RAPGEF4: variants seen among roughly 807,000 people sequenced by gnomAD.
RAPGEF4 encodes Rap guanine nucleotide exchange factor 4, also known as RAP guanine-nucleotide-exchange factor (GEF) 4.
In RAPGEF4, 66 loss-of-function variants were observed where a neutral mutation model predicts 147.9. That is an observed-to-expected ratio of 0.45 (90% CI 0.37 to 0.55). The LOEUF (loss-of-function observed/expected upper bound fraction) is 0.55. Ranked by LOEUF, RAPGEF4 falls within the 20% of genes least tolerant of loss-of-function variation. The pLI is 0.00. For synonymous variants in RAPGEF4, 419 were observed against 442.7 expected, an observed-to-expected ratio of 0.95 and a Z score of 0.67; for missense variants, 1,071 against 1,257.3, an observed-to-expected ratio of 0.85 and a Z score of 2.24.
At chr2:172,743,399 G>A (rs949985592) in intron 1 of RAPGEF4, among the ~76,000 whole-genome samples, 1 of 152,178 alleles carries the variant, frequency 6.6e-6, no homozygotes, top group Admixed American at 6.5e-5. Context: ...AACACAAAGT[G>A]CTGCCACTAC....
Position 173,051,685 on chromosome 2 carries a change from G to A in RAPGEF4, c.2954G>A (p.Ser985Asn). The A allele has an allele frequency of 6.2e-7, 1 of 1,613,998 alleles. No individual in the cohort carries two copies. Among genetic ancestry groups the A allele is most frequent in the South Asian group, 1.1e-5 (1 of 91,072 alleles). The change falls in exon 31 of 31, where the codon AGT becomes AAT. Residue 985 changes from serine (S) to asparagine (N), a missense_variant. Coordinates refer to ENST00000397081, the MANE Select transcript of RAPGEF4 (RefSeq NM_007023.4). ...AATAAGAACCATCAGGATGTCCGGA[G>A]TTATGTACGGCAATTAAATGTGATT... The part of the protein sequence containing the change: ...QANKNHQDVR[S>N]YVRQLNVIDN...
intron 10 of RAPGEF4, among the ~76,000 whole-genome samples, chr2:172,972,214 G>A (rs1690567257): frequency 6.6e-6 from 1 of 152,194 alleles, no homozygotes; most frequent in Non-Finnish European, 1.5e-5. Context: ...GAGGGCGCGT[G>A]AGAGCCTGTG....
intron 1 of RAPGEF4, among the ~76,000 whole-genome samples, chr2:172,761,215 C>G (rs989496929): frequency 6.6e-6 from 1 of 151,040 alleles, no homozygotes; most frequent in Non-Finnish European, 1.5e-5. Flanking sequence ...AACCTCTGCT[C>G]CCTGGGTTCA....
At chr2:172,792,402 G>A (rs1438872192) in intron 1 of RAPGEF4, among the ~76,000 whole-genome samples, 1 of 152,182 alleles carries the variant, frequency 6.6e-6, no homozygotes, top group African/African-American at 2.4e-5. Flanking sequence ...TGATACTGAT[G>A]TGTTGTATTT....
chr2:172,988,512 C>T (rs909068457), intron 13 of RAPGEF4, among the ~76,000 whole-genome samples, 181 bp from the exon 14 acceptor site: 5 of 152,144 alleles, frequency 3.3e-5, no homozygotes, highest in East Asian at 3.8e-4. Flanking sequence ...AGCCACAGAC[C>T]GTATTACTCA....
intron 4 of RAPGEF4, among the ~76,000 whole-genome samples, chr2:172,846,858 A>C (rs922665514): frequency 4.6e-5 from 7 of 152,108 alleles, no homozygotes; most frequent in African/African-American, 1.7e-4. Flanking sequence ...ATGCCCCTCC[A>C]CAGATGCTCT....
rs551176977 is a variant in RAPGEF4, at chr2:172,814,416, A to T, written c.435A>T (p.Ala145=). The T allele has an allele frequency of 6.2e-7, 1 of 1,614,186 alleles. No homozygotes were observed. Among genetic ancestry groups the T allele is most frequent in the Non-Finnish European group, 8.5e-7 (1 of 1,180,014 alleles). Residue 145 remains alanine, a synonymous_variant, in exon 4 of 31, where the codon GCA becomes GCT. Coordinates refer to ENST00000397081, the MANE Select transcript of RAPGEF4 (RefSeq NM_007023.4). ...GCATCGAGCAGAAGGACTTCAAGGC[A>T]CTATGGGAGGTGAGCCCTAAGGCTT... The part of the protein sequence containing the change: ...LLRIEQKDFK[A]LWEKYRQYMA...
At chr2:172,970,640 A>G (rs1690373439) in intron 10 of RAPGEF4, among the ~76,000 whole-genome samples, 4 of 152,202 alleles carry the variant, frequency 2.6e-5, no homozygotes, top group Admixed American at 2.6e-4. Flanking sequence ...GCTAGCAAAA[A>G]AAAAAAGTGT....
At chr2:173,001,421 C>A (rs1693910898) in intron 17 of RAPGEF4, 77 bp downstream of exon 17, 1 of 1,570,766 alleles carries the variant, frequency 6.4e-7, no homozygotes, top group Non-Finnish European at 8.7e-7. Context: ...CTTATCTCAT[C>A]TTCTGCAGGT....
At chr2:172,830,867 G>A (rs1690223642) in intron 4 of RAPGEF4, among the ~76,000 whole-genome samples, 1 of 152,010 alleles carries the variant, frequency 6.6e-6, no homozygotes, top group Admixed American at 6.5e-5. Context: ...AGTACAACAG[G>A]GTATATATTG....
chr2:172,749,719 C>T (rs1256783111), intron 1 of RAPGEF4, among the ~76,000 whole-genome samples: 1 of 152,208 alleles, frequency 6.6e-6, no homozygotes, highest in Non-Finnish European at 1.5e-5. Context: ...AATTTCTCCT[C>T]AGAAAATGGG....
chr2:172,824,521 A>G (rs914408527), intron 4 of RAPGEF4, among the ~76,000 whole-genome samples: 5 of 152,216 alleles, frequency 3.3e-5, no homozygotes, highest in East Asian at 1.9e-4. Flanking sequence ...TTCTATAGAC[A>G]TTCTACTTCC....
At chr2:172,953,330 A>G (rs1462451408) in intron 6 of RAPGEF4, among the ~76,000 whole-genome samples, 1 of 147,630 alleles carries the variant, frequency 6.8e-6, no homozygotes, top group Non-Finnish European at 1.5e-5. Context: ...ATATATCTCT[A>G]TATATAGATA....
At chr2:172,988,335 A>G (rs1277306459) in intron 13 of RAPGEF4, 63 bp downstream of exon 13, 1 of 1,547,846 alleles carries the variant, frequency 6.5e-7, no homozygotes, top group Non-Finnish European at 8.7e-7. Context: ...GGCTCTAAGT[A>G]TTAGCAATGT....
intron 14 of RAPGEF4, 39 bp downstream of exon 14, chr2:172,988,878 T>A (rs1281669233): frequency 1.9e-6 from 3 of 1,594,938 alleles, no homozygotes; most frequent in African/African-American, 2.7e-5. Context: ...GACAGCCCAT[T>A]TTTTTCTTTA....
At chr2:172,923,979 C>A (rs764837233) in intron 6 of RAPGEF4, among the ~76,000 whole-genome samples, 6 of 152,156 alleles carry the variant, frequency 3.9e-5, no homozygotes, top group African/African-American at 1.4e-4. Flanking sequence ...TAAAAAAAAT[C>A]TTTGTATGTT....
At chr2:173,040,283 G>C (rs1199767392) in intron 29 of RAPGEF4, among the ~76,000 whole-genome samples, 3 of 152,114 alleles carry the variant, frequency 2.0e-5, no homozygotes, top group Non-Finnish European at 2.9e-5. Context: ...TTCTAAGCAA[G>C]GTGCATGTTG....
chr2:172,985,386 A>C lies in RAPGEF4; in HGVS notation c.1090-47A>C, dbSNP rs201619305. 2,651 of 1,613,768 alleles carry C rather than the reference A, an allele frequency of 1.6e-3. 17 individuals are homozygous for C. The highest frequency in any genetic ancestry group is 5.6e-3 in the Middle Eastern group (34 of 6,060). On this transcript the variant is annotated intron_variant, in intron 11 of 30. Transcript: ENST00000397081. Reference sequence around the variant, plus strand: ...GAAAGAGTACAACCCTTTTCCACCCAGACCTGGAAATGTGGCCTTTGCATG... The same window carrying C: ...GAAAGAGTACAACCCTTTTCCACCCCGACCTGGAAATGTGGCCTTTGCATG...
intron 1 of RAPGEF4, among the ~76,000 whole-genome samples, chr2:172,772,830 T>C (rs1683764569): frequency 6.6e-6 from 1 of 152,222 alleles, no homozygotes; most frequent in African/African-American, 2.4e-5. Context: ...TATTTCCTTA[T>C]CAAACTTTTG....
Sources: allele counts gnomAD v4.1 joint callset (sites outside exome capture counted in the v4.1 genomes callset), GRCh38; gene constraint gnomAD v4.1.1; transcripts MANE v1.5; gene names NCBI Gene and HGNC (gene_info 2026-07-23, HGNC 2026-07-21).